SHISA9: variants seen among roughly 807,000 people sequenced by gnomAD.
The protein encoded by SHISA9 is shisa family member 9.
In SHISA9, 13 loss-of-function variants were observed where a neutral mutation model predicts 38.0. That is an observed-to-expected ratio of 0.34 (90% confidence interval 0.22 to 0.54). SHISA9 has a LOEUF of 0.54. SHISA9 is among the 20% of genes least tolerant of loss of function. The pLI, the probability that SHISA9 is intolerant of heterozygous loss-of-function variation, is 0.91. For synonymous variants in SHISA9, 275 were observed against 242.0 expected, an observed-to-expected ratio of 1.14 and a Z score of -1.27; for missense variants, 538 against 575.8, an observed-to-expected ratio of 0.93 and a Z score of 0.67.
chr16:13,170,435 A>G (rs995249063), intron 2 of SHISA9, among the ~76,000 whole-genome samples: 3 of 152,086 alleles, frequency 2.0e-5, no homozygotes, highest in African/African-American at 7.2e-5. Context: ...AAGAGAATTG[A>G]TTTGTGATGA....
the SHISA9 span, among the ~76,000 whole-genome samples, chr16:13,454,913 A>C: frequency 6.6e-6 from 1 of 152,198 alleles, no homozygotes; most frequent in Non-Finnish European, 1.5e-5. Flanking sequence ...GACCATGTGA[A>C]GACTTGCCTG....
At chr16:13,252,225 T>G in the SHISA9 span, among the ~76,000 whole-genome samples, 1 of 152,162 alleles carries the variant, frequency 6.6e-6, no homozygotes, top group African/African-American at 2.4e-5. Flanking sequence ...ACTGGCCTCC[T>G]TGCTGTTCCT....
At chr16:13,166,426 G>T (rs935537521) in intron 2 of SHISA9, among the ~76,000 whole-genome samples, 4 of 152,170 alleles carry the variant, frequency 2.6e-5, no homozygotes, top group Non-Finnish European at 5.9e-5. Flanking sequence ...GATGAAGCGT[G>T]TGCTTCTTAG....
At chr16:13,468,029 T>G in the SHISA9 span, among the ~76,000 whole-genome samples, 1 of 152,228 alleles carries the variant, frequency 6.6e-6, no homozygotes, top group Non-Finnish European at 1.5e-5. Context: ...ACAAAACTCA[T>G]CTCAGTCTTA....
chr16:13,156,487 C>T (rs1567230380), intron 2 of SHISA9, among the ~76,000 whole-genome samples: 1 of 152,156 alleles, frequency 6.6e-6, no homozygotes, highest in Non-Finnish European at 1.5e-5. Context: ...GTAATCCCAG[C>T]ACTTTAGGAG....
the SHISA9 span, among the ~76,000 whole-genome samples, chr16:13,396,820 C>T: frequency 6.6e-6 from 1 of 152,060 alleles, no homozygotes; most frequent in Non-Finnish European, 1.5e-5. Context: ...TCTGGGGGCA[C>T]CCTCCCTCCC....
the SHISA9 span, among the ~76,000 whole-genome samples, chr16:13,327,134 A>C: frequency 6.6e-6 from 1 of 152,244 alleles, no homozygotes; most frequent in African/African-American, 2.4e-5. Context: ...CTCTATGTGA[A>C]AGACGCATTC....
chr16:13,357,250 C>G, the SHISA9 span, among the ~76,000 whole-genome samples: 1 of 152,146 alleles, frequency 6.6e-6, no homozygotes, highest in South Asian at 2.1e-4. Flanking sequence ...AAGTCCGTGA[C>G]CGGCGCCGGA....
chr16:13,351,225 T>TAACCC, the SHISA9 span, among the ~76,000 whole-genome samples: 1 of 152,142 alleles, frequency 6.6e-6, no homozygotes. Flanking sequence ...GTCCCTTACC[T>TAACCC]ACACTGCCTG....
At chr16:13,225,569 G>A (rs1322361411) in intron 4 of SHISA9, among the ~76,000 whole-genome samples, 2 of 152,120 alleles carry the variant, frequency 1.3e-5, no homozygotes, top group African/African-American at 4.8e-5. Context: ...CTTTGGTTGG[G>A]GCATTGCTTA....
chr16:13,441,777 C>T, the SHISA9 span, among the ~76,000 whole-genome samples: 2 of 152,260 alleles, frequency 1.3e-5, no homozygotes, highest in East Asian at 3.9e-4. Context: ...GAAGTCACCC[C>T]AGCTTAAAAC....
At chr16:13,407,070 CAAAAAAAA>C in the SHISA9 span, among the ~76,000 whole-genome samples, 7 of 45,594 alleles carry the variant, frequency 1.5e-4, no homozygotes, top group Admixed American at 3.1e-4. Flanking sequence ...CTCTGTCTCA[CAAAAAAAA>C]AAAAAAAAAA....
the SHISA9 span, among the ~76,000 whole-genome samples, chr16:13,379,150 C>CCCAGAGGATGT: frequency 1.3e-5 from 2 of 152,068 alleles, no homozygotes; most frequent in Non-Finnish European, 2.9e-5. Flanking sequence ...TCACCTGTAT[C>CCCAGAGGATGT]CCAGAGGATG....
chr16:12,917,681 AC>A (rs34636734), intron 2 of SHISA9, among the ~76,000 whole-genome samples: 34,554 of 152,106 alleles, frequency 0.23, 4,784 homozygotes, highest in Non-Finnish European at 0.31. Context: ...TTTTCAAGTA[AC>A]CCCCACATTA....
the SHISA9 span, among the ~76,000 whole-genome samples, chr16:13,465,777 G>T: frequency 6.6e-6 from 1 of 152,222 alleles, no homozygotes; most frequent in Non-Finnish European, 1.5e-5. Flanking sequence ...GAAAGAAAAA[G>T]CTGCTGCAAC....
chr16:13,156,270 A>G (rs1483675282), intron 2 of SHISA9, among the ~76,000 whole-genome samples: 13 of 152,196 alleles, frequency 8.5e-5, no homozygotes, highest in Non-Finnish European at 4.4e-5. Context: ...GGGTGCATCA[A>G]TGACCACTGT....
At chr16:13,486,367 C>T in the SHISA9 span, among the ~76,000 whole-genome samples, 1 of 152,184 alleles carries the variant, frequency 6.6e-6, no homozygotes, top group Non-Finnish European at 1.5e-5. Context: ...TGAGGCCCAG[C>T]CACATTACTG....
the SHISA9 span, among the ~76,000 whole-genome samples, chr16:13,265,954 A>G: frequency 6.6e-6 from 1 of 152,216 alleles, no homozygotes; most frequent in East Asian, 1.9e-4. Flanking sequence ...GTAGGGTTGG[A>G]CACTGAGAAT....
intron 2 of SHISA9, among the ~76,000 whole-genome samples, chr16:13,087,440 CA>C (rs201670821): frequency 0.021 from 3,272 of 152,260 alleles, 129 homozygotes; most frequent in African/African-American, 0.075. Flanking sequence ...ACACTCCCAC[CA>C]GCAGTGTAAA....
Sources: allele counts gnomAD v4.1 joint callset (sites outside exome capture counted in the v4.1 genomes callset), GRCh38; gene constraint gnomAD v4.1.1; transcripts MANE v1.5; gene names NCBI Gene and HGNC (gene_info 2026-07-23, HGNC 2026-07-21).